ENTPD4: variants seen among roughly 807,000 people sequenced by gnomAD.
ENTPD4 encodes Golgi UDPase.
In ENTPD4, 60 loss-of-function variants were observed where a neutral mutation model predicts 79.1. That is an observed-to-expected ratio of 0.76 (90% CI 0.62 to 0.94). The LOEUF is 0.94. ENTPD4 is among the 40% of genes least tolerant of loss of function. The pLI, the probability that ENTPD4 is intolerant of heterozygous loss-of-function variation, is 0.00. For synonymous variants in ENTPD4, 276 were observed against 292.0 expected, an observed-to-expected ratio of 0.95 and a Z score of 0.56; for missense variants, 772 against 775.1, an observed-to-expected ratio of 1.00 and a Z score of 0.05.
chr8:23,442,002 C>G lies in ENTPD4; in HGVS notation c.727+5G>C. On this transcript the variant is annotated splice_donor_5th_base_variant and intron_variant, in intron 7 of 12. Coordinates refer to ENST00000358689, the MANE Select transcript of ENTPD4 (RefSeq NM_004901.5). Reference sequence around the variant, plus strand: ...AGATACATTTGTTGGAACCATGACACTTACCATCTTCAATATGCTCAAATC... The same window carrying G: ...AGATACATTTGTTGGAACCATGACAGTTACCATCTTCAATATGCTCAAATC... The G allele has an allele frequency of 6.2e-7, 1 of 1,611,342 alleles. No individual in the cohort carries two copies. Among genetic ancestry groups the G allele is most frequent in the Non-Finnish European group, 8.5e-7 (1 of 1,177,464 alleles).
chr8:23,448,832 A>G lies in ENTPD4; in HGVS notation c.116T>C (p.Val39Ala). 6.2e-7 allele frequency: 1 copy of G among 1,614,174 alleles called. No homozygotes were observed. The highest frequency in any genetic ancestry group is 8.5e-7 in the Non-Finnish European group (1 of 1,179,972). The change falls in exon 3 of 13, where the codon GTC becomes GCC. Residue 39 changes from valine (V) to alanine (A), a missense_variant. By Grantham distance (64) the Val-to-Ala change is moderately conservative. Coordinates refer to ENST00000358689, the MANE Select transcript of ENTPD4 (RefSeq NM_004901.5). ...TAAAAGTGAAACAGCAGCAGCCAGGACACTAATGACCATAATTTGGCGTAA... is the reference window on the plus strand; with the variant it reads ...TAAAAGTGAAACAGCAGCAGCCAGGGCACTAATGACCATAATTTGGCGTAA... ...TNLRQIMVIS[V>A]LAAAVSLLYF... is the part of the protein sequence containing the mutation.
intron 4 of ENTPD4, among the ~76,000 whole-genome samples, chr8:23,445,425 A>G (rs1800748551): frequency 6.6e-6 from 1 of 152,026 alleles, no homozygotes; most frequent in Non-Finnish European, 1.5e-5. Flanking sequence ...GCTCTGCATA[A>G]CTCACCCACC....
At position 23,432,407 on chromosome 8, in the gene ENTPD4, A is replaced by G. The variant is rs1209267700; in HGVS notation, c.*519T>C. On this transcript the variant is annotated 3_prime_UTR_variant, in exon 13 of 13. Coordinates refer to ENST00000358689, the MANE Select transcript of ENTPD4 (RefSeq NM_004901.5). ...TTGGCAGATATCCTGTGCAGCAAAA[A>G]TCAAGTGAATTTCCCTCTTCCCCAC... 6 of 985,722 alleles carry G rather than the reference A, an allele frequency of 6.1e-6. No individual in the cohort carries two copies. Among genetic ancestry groups the G allele is most frequent in the Non-Finnish European group, 7.2e-6 (6 of 830,290 alleles). 61.1% of individuals were successfully genotyped at this position (985,722 alleles called of 1,614,324 possible).
intron 1 of ENTPD4, among the ~76,000 whole-genome samples, chr8:23,452,911 T>A (rs1800890321): frequency 6.6e-6 from 1 of 152,238 alleles, no homozygotes; most frequent in Non-Finnish European, 1.5e-5. Flanking sequence ...ATTATACGTG[T>A]GGTTGGCTTC....
In ENTPD4 at chr8:23,429,761, A is replaced by G; in HGVS notation, c.*3165T>C. ...GGGCCCCATGTTACTGGCCTCAGCC[A>G]CCAGCAGCGTCTTCACTCCGCCCAG... On this transcript the variant is annotated 3_prime_UTR_variant, in exon 13 of 13. Transcript: ENST00000358689. 1 of 985,474 alleles carries G rather than the reference A, an allele frequency of 1.0e-6. No individual in the cohort carries two copies. Among genetic ancestry groups the G allele is most frequent in the South Asian group, 4.7e-5 (1 of 21,292 alleles). 61.0% of individuals were successfully genotyped at this position (985,474 alleles called of 1,614,324 possible). A position where few individuals can be genotyped will look rare whatever the true frequency, so the allele number is the denominator to read the frequency against.
intron 1 of ENTPD4, among the ~76,000 whole-genome samples, chr8:23,453,842 A>C (rs1800907320): frequency 6.6e-6 from 1 of 152,258 alleles, no homozygotes; most frequent in African/African-American, 2.4e-5. Flanking sequence ...TGGTCATCAT[A>C]GTATTGTGTG....
chr8:23,445,975 A>G (rs1207899491), intron 4 of ENTPD4, among the ~76,000 whole-genome samples: 1 of 152,248 alleles, frequency 6.6e-6, no homozygotes, highest in Non-Finnish European at 1.5e-5. Flanking sequence ...TAAGTGATTC[A>G]TCAAAGGAAT....
rs1220643243 is a variant in ENTPD4, at chr8:23,447,906, T to C, written c.207-21A>G. On this transcript the variant is annotated intron_variant, in intron 3 of 12. Coordinates refer to ENST00000358689, the MANE Select transcript of ENTPD4 (RefSeq NM_004901.5). Reference sequence around the variant, plus strand: ...GGTACCTTGTATAGAAACACACGTATGCTTTGATTTAGACAAAGAATATCA... The same window carrying C: ...GGTACCTTGTATAGAAACACACGTACGCTTTGATTTAGACAAAGAATATCA... The C allele has an allele frequency of 3.1e-6, 5 of 1,599,162 alleles. No homozygotes were observed. The African/African-American group carries it at 4.0e-5, about 13-fold the overall frequency.
chr8:23,455,164 A>C (rs1325438133), intron 1 of ENTPD4, among the ~76,000 whole-genome samples: 2 of 152,200 alleles, frequency 1.3e-5, no homozygotes, highest in African/African-American at 4.8e-5. Context: ...AAACAATGCA[A>C]ATCAACCACA....
chr8:23,441,242 G>A (rs896515164), intron 8 of ENTPD4, among the ~76,000 whole-genome samples: 1 of 152,122 alleles, frequency 6.6e-6, no homozygotes, highest in Admixed American at 6.5e-5. Flanking sequence ...TAAAAAATCA[G>A]ATGTTATTAT....
Position 23,437,148 on chromosome 8 carries a change from C to A in ENTPD4, c.1160G>T (p.Arg387Leu). 6.2e-7 allele frequency: 1 copy of A among 1,614,112 alleles called. No individual in the cohort carries two copies. The highest frequency in any genetic ancestry group is 8.5e-7 in the Non-Finnish European group (1 of 1,179,998). Residue 387 changes from arginine to leucine, a missense_variant, in exon 10 of 13, where the codon CGA becomes CTA. By Grantham distance (102) the Arg-to-Leu change is moderately radical. Coordinates refer to ENST00000358689, the MANE Select transcript of ENTPD4 (RefSeq NM_004901.5). The part of the protein sequence containing the change: ...IQQNGQTIYL[R>L]GTGDFDLCRE... ...ACACAGGTCAAAGTCTCCAGTCCCT[C>A]GTAGGTATATGGTTTGTCCATTTTG...
At chr8:23,434,720 A>G in intron 11 of ENTPD4, 1 of 1,335,432 alleles carries the variant, frequency 7.5e-7, no homozygotes, top group Non-Finnish European at 9.6e-7. Flanking sequence ...GTCTCGGCAT[A>G]ATGTCATATA....
At chr8:23,443,330 C>T (rs1244521755) in intron 6 of ENTPD4, among the ~76,000 whole-genome samples, 2 of 152,222 alleles carry the variant, frequency 1.3e-5, no homozygotes, top group African/African-American at 4.8e-5. Context: ...GTATTCTCTA[C>T]AGTCTCTTTC....
At chr8:23,437,358 A>G in intron 9 of ENTPD4, 100 bp from the exon 10 acceptor site, 1 of 835,246 alleles carries the variant, frequency 1.2e-6, no homozygotes, top group Non-Finnish European at 1.9e-6. Flanking sequence ...TCTGTGGGAC[A>G]TGAGACCTGC....
chr8:23,434,054 G>C (rs1800509971), intron 12 of ENTPD4: 2 of 441,644 alleles, frequency 4.5e-6, no homozygotes, highest in East Asian at 6.9e-5. Context: ...CTTTTGCCGG[G>C]GCTGGGGAAC....
chr8:23,430,461 C>CT lies in ENTPD4; in HGVS notation c.*2464dup, dbSNP rs1800435309. 1.0e-6 allele frequency: 1 copy of CT among 985,346 alleles called. No homozygotes were observed. Among genetic ancestry groups the CT allele is most frequent in the African/African-American group, 1.7e-5 (1 of 57,248 alleles). 61.0% of individuals were successfully genotyped at this position (985,346 alleles called of 1,614,324 possible). A position where few individuals can be genotyped will look rare whatever the true frequency, so the allele number is the denominator to read the frequency against. On this transcript the variant is annotated 3_prime_UTR_variant, in exon 13 of 13. Coordinates refer to ENST00000358689, the MANE Select transcript of ENTPD4 (RefSeq NM_004901.5). ...ACATTCCTGATTTAAGAGGATGCTT[C>CT]TGTCTGTATCCTTTTTTGAACTGCA...
intron 6 of ENTPD4, among the ~76,000 whole-genome samples, chr8:23,443,370 G>A (rs1343099095): frequency 6.6e-6 from 1 of 152,190 alleles, no homozygotes; most frequent in African/African-American, 2.4e-5. Context: ...TGAAATGACA[G>A]ACGGCTTTTG....
At chr8:23,435,291 T>G in intron 11 of ENTPD4, 101 bp downstream of exon 11, 1 of 728,708 alleles carries the variant, frequency 1.4e-6, no homozygotes, top group Non-Finnish European at 2.4e-6. Flanking sequence ...GAACAGTGAG[T>G]GAGAAGAAGC....
rs1800417904 is a variant in ENTPD4, at chr8:23,429,447, T to C, written c.*3479A>G. On this transcript the variant is annotated 3_prime_UTR_variant, in exon 13 of 13. Transcript: ENST00000358689. ...CTTAGTATCAAAAGAAACAAAACAC[T>C]GAAATAAATAACTAAGTAATTTACT... 1.0e-6 allele frequency: 1 copy of C among 985,010 alleles called. No homozygotes were observed. Among genetic ancestry groups the C allele is most frequent in the Non-Finnish European group, 1.2e-6 (1 of 829,542 alleles). 61.0% of individuals were successfully genotyped at this position (985,010 alleles called of 1,614,324 possible). A position where few individuals can be genotyped will look rare whatever the true frequency, so the allele number is the denominator to read the frequency against.
Sources: allele counts gnomAD v4.1 joint callset (sites outside exome capture counted in the v4.1 genomes callset), GRCh38; gene constraint gnomAD v4.1.1; transcripts MANE v1.5; gene names NCBI Gene and HGNC (gene_info 2026-07-23, HGNC 2026-07-21).